GABRA3: variants seen among roughly 807,000 people sequenced by gnomAD.
The protein encoded by GABRA3 is gamma-aminobutyric acid receptor subunit alpha-3.
In GABRA3, 10 loss-of-function variants were observed where a neutral mutation model predicts 30.1. That is an observed-to-expected ratio of 0.33 (90% CI 0.20 to 0.56). The LOEUF (loss-of-function observed/expected upper bound fraction) is 0.56. Among genes scored for constraint, GABRA3 ranks in the 20% least tolerant of loss-of-function variants. The pLI is 0.89. For missense variants in GABRA3, 233 were observed against 392.0 expected (o/e 0.59, Z 3.42); for synonymous variants, 151 against 146.8 (o/e 1.03, Z -0.21).
At chrX:152,398,630 G>T (rs1030736239) in intron 1 of GABRA3, among the ~76,000 whole-genome samples, 8 of 112,070 alleles carry the variant, frequency 7.1e-5, no homozygotes, top group African/African-American at 2.6e-4. Context: ...CAGAAGTTTT[G>T]AAACAATTCA....
chrX:152,234,485 A>T (rs754555911), intron 5 of GABRA3, among the ~76,000 whole-genome samples: 1 of 110,967 alleles, frequency 9.0e-6, no homozygotes, highest in African/African-American at 3.3e-5. Context: ...ATTAAGTCCC[A>T]TTTCTCTATT....
intron 9 of GABRA3, among the ~76,000 whole-genome samples, chrX:152,188,094 G>A (rs978663835): frequency 9.0e-6 from 1 of 111,148 alleles, no homozygotes; most frequent in African/African-American, 3.3e-5. Context: ...AAGGTGGGGG[G>A]AAGAAGGAGG....
chrX:152,235,295 T>C (rs1402469034), intron 5 of GABRA3, among the ~76,000 whole-genome samples: 1 of 111,889 alleles, frequency 8.9e-6, no homozygotes, highest in African/African-American at 3.2e-5. Flanking sequence ...GCTATTGATT[T>C]TTATATGTGG....
At chrX:152,299,300 T>G (rs1283660468) in intron 3 of GABRA3, among the ~76,000 whole-genome samples, 3 of 111,675 alleles carry the variant, frequency 2.7e-5, no homozygotes, top group Non-Finnish European at 5.6e-5. Flanking sequence ...GGTGAGTGCT[T>G]GTGGCTCAGA....
At chrX:152,214,891 G>A (rs1045236274) in intron 6 of GABRA3, among the ~76,000 whole-genome samples, 1 of 108,755 alleles carries the variant, frequency 9.2e-6, no homozygotes, top group South Asian at 4.0e-4. Flanking sequence ...TATAGAAATG[G>A]TACTGACTTT....
At chrX:152,397,862 T>C (rs1217488254) in intron 1 of GABRA3, among the ~76,000 whole-genome samples, 1 of 111,314 alleles carries the variant, frequency 9.0e-6, no homozygotes, top group African/African-American at 3.3e-5. Flanking sequence ...TGTCGAAGTA[T>C]CTATCCCAAG....
At chrX:152,252,588 GTTAA>G (rs1422302372) in intron 5 of GABRA3, among the ~76,000 whole-genome samples, 2 of 111,443 alleles carry the variant, frequency 1.8e-5, no homozygotes, top group East Asian at 2.8e-4. Flanking sequence ...CTATATTGAT[GTTAA>G]TTAATAATAC....
chrX:152,444,929 C>T (rs1488351126), intron 1 of GABRA3, among the ~76,000 whole-genome samples: 61 of 92,631 alleles, frequency 6.6e-4, no homozygotes, highest in African/African-American at 1.8e-3. Flanking sequence ...GGCGTGGTGG[C>T]GGGCGCCTGT....
intron 4 of GABRA3, among the ~76,000 whole-genome samples, chrX:152,277,695 G>T (rs1194786835): frequency 1.8e-5 from 2 of 112,067 alleles, no homozygotes; most frequent in East Asian, 5.6e-4. Context: ...ATTGACAAAT[G>T]AATTCTGTTG....
At chrX:152,349,402 G>A (rs1024569757) in intron 2 of GABRA3, among the ~76,000 whole-genome samples, 7 of 108,584 alleles carry the variant, frequency 6.4e-5, no homozygotes, top group Non-Finnish European at 1.3e-4. Flanking sequence ...ATCAACTAAC[G>A]AGCAAAATAA....
chrX:152,284,703 C>T lies in GABRA3; in HGVS notation c.295G>A (p.Val99Met). 8.4e-7 allele frequency: 1 copy of T among 1,193,295 alleles called. No individual in the cohort carries two copies. Among genetic ancestry groups the T allele is most frequent in the Admixed American group, 2.2e-5 (1 of 45,361 alleles). Residue 99 changes from valine (V) to methionine (M), a missense_variant, in exon 4 of 10, where the codon GTG becomes ATG. Val to Met is a conservative substitution (Grantham distance 21). Around this residue, in one of 6 missense-constraint regions of GABRA3, gnomAD observed 69 missense variants for 79.4 expected, o/e 0.87. Transcript: ENST00000370314. ...TCTGACACAGGGCCAAAACTGGTCACGTAGATGTCAGTCTTCACTTCAGTC... is the reference window on the plus strand; with the variant it reads ...TCTGACACAGGGCCAAAACTGGTCATGTAGATGTCAGTCTTCACTTCAGTC... ...AVTEVKTDIY[V>M]TSFGPVSDTD...
At chrX:152,229,694 G>C (rs1164087702) in intron 5 of GABRA3, among the ~76,000 whole-genome samples, 1 of 110,146 alleles carries the variant, frequency 9.1e-6, no homozygotes, top group African/African-American at 3.3e-5. Context: ...AGTTCAAAGA[G>C]GAAGCTATGT....
chrX:152,326,347 C>T (rs1603241924), intron 3 of GABRA3, among the ~76,000 whole-genome samples: 1 of 111,235 alleles, frequency 9.0e-6, no homozygotes, highest in Non-Finnish European at 1.9e-5. Context: ...TCGGGAAATA[C>T]AGAGAACGTC....
intron 4 of GABRA3, among the ~76,000 whole-genome samples, chrX:152,259,236 A>G (rs1195242642): frequency 8.9e-6 from 1 of 111,909 alleles, no homozygotes; most frequent in Non-Finnish European, 1.9e-5. Flanking sequence ...AGTTTCCATA[A>G]GCCTTGCCAC....
intron 4 of GABRA3, among the ~76,000 whole-genome samples, chrX:152,279,655 C>T (rs1217791734): frequency 9.0e-6 from 1 of 111,222 alleles, no homozygotes; most frequent in Non-Finnish European, 1.9e-5. Flanking sequence ...AAGAAAATCA[C>T]TGGTAGCTTG....
At chrX:152,171,897 A>G (rs1414868936) in intron 9 of GABRA3, among the ~76,000 whole-genome samples, 1 of 111,733 alleles carries the variant, frequency 8.9e-6, no homozygotes, top group African/African-American at 3.3e-5. Context: ...AGAGAAATGC[A>G]TGTCCCACTC....
At chrX:152,202,812 G>T (rs1937502381) in intron 7 of GABRA3, among the ~76,000 whole-genome samples, 1 of 112,199 alleles carries the variant, frequency 8.9e-6, no homozygotes, top group African/African-American at 3.2e-5. Context: ...TGGAAATAAT[G>T]CAGCTCCTAA....
chrX:152,292,180 G>T (rs1939432454), intron 3 of GABRA3, among the ~76,000 whole-genome samples: 1 of 111,376 alleles, frequency 9.0e-6, no homozygotes, highest in African/African-American at 3.3e-5. Context: ...ATTAATTATT[G>T]TCTCAATTTC....
chrX:152,249,986 G>T (rs766488000), intron 5 of GABRA3, among the ~76,000 whole-genome samples: 3 of 110,706 alleles, frequency 2.7e-5, no homozygotes, highest in African/African-American at 6.6e-5. Flanking sequence ...AAGAAGCATG[G>T]ATTTTCTGAT....
Sources: allele counts gnomAD v4.1 joint callset (sites outside exome capture counted in the v4.1 genomes callset), GRCh38; gene constraint gnomAD v4.1.1; regional missense constraint gnomAD v4.1.1; transcripts MANE v1.5; gene names NCBI Gene and HGNC (gene_info 2026-07-23, HGNC 2026-07-21).